The following RAB27A variants were observed in gnomAD, a reference collection of about 807,000 sequenced individuals.
RAB27A encodes RAB27A, member RAS oncogene family.
RAB27A carries 17 observed loss-of-function variants against 20.8 expected under a neutral mutation model. The ratio of observed to expected loss-of-function variants is 0.82; its 90% CI spans 0.56 to 1.23. The LOEUF is 1.23. Among genes scored for constraint, RAB27A ranks in the 50% most tolerant of loss-of-function variants. The pLI is 0.00. For missense variants in RAB27A, 277 were observed against 266.7 expected, an observed-to-expected ratio of 1.04 and a Z score of -0.27; for synonymous variants, 85 against 92.8, an observed-to-expected ratio of 0.92 and a Z score of 0.48.
At chr15:55,224,369 T>G (rs1434409208) in intron 5 of RAB27A, among the ~76,000 whole-genome samples, 1 of 152,258 alleles carries the variant, frequency 6.6e-6, no homozygotes, top group African/African-American at 2.4e-5. Context: ...CAGGAGTTCC[T>G]AGGGTTTACT....
chr15:55,237,799 T>C (rs1896321371), intron 2 of RAB27A, among the ~76,000 whole-genome samples: 1 of 151,696 alleles, frequency 6.6e-6, no homozygotes, highest in Non-Finnish European at 1.5e-5. Context: ...ATTTCCTATT[T>C]ATTTTTAATT....
intron 2 of RAB27A, among the ~76,000 whole-genome samples, chr15:55,260,469 A>C (rs889610175): frequency 6.6e-6 from 1 of 152,250 alleles, no homozygotes; most frequent in African/African-American, 2.4e-5. Context: ...TCATGTCCAC[A>C]CAAAAACCTG....
At position 55,230,465 on chromosome 15, in the gene RAB27A, C is replaced by G. The variant is rs770949071; in HGVS notation, c.175G>C (p.Asp59His). 44 of 1,613,594 alleles carry G rather than the reference C, an allele frequency of 2.7e-5. No individual in the cohort carries two copies. The highest frequency in any genetic ancestry group is 1.0e-4 in the Admixed American group (6 of 59,982). Residue 59 changes from aspartate to histidine, a missense_variant, in exon 4 of 7, where the codon GAT (aspartate) becomes CAT (histidine). Coordinates refer to ENST00000336787, the MANE Select transcript of RAB27A (RefSeq NM_183235.3). ...CTCTGGCCTCTGCCAGTGGCTCCAT[C>G]CGGCCCACTGGCTCTGTACACCTAA... ...KRVVYRASGP[D>H]GATGRGQRIH...
chr15:55,263,965 G>A (rs60375490), intron 2 of RAB27A, among the ~76,000 whole-genome samples: 34,193 of 152,074 alleles, frequency 0.22, 4,797 homozygotes, highest in East Asian at 0.56. Flanking sequence ...ATTAAACATC[G>A]TAAGAGAATA....
chr15:55,217,455 T>G (rs1452573861), intron 6 of RAB27A, among the ~76,000 whole-genome samples: 1 of 151,748 alleles, frequency 6.6e-6, no homozygotes, highest in East Asian at 1.9e-4. Flanking sequence ...AGGCCAAAAG[T>G]TCAGGATCAA....
intron 1 of RAB27A, among the ~76,000 whole-genome samples, chr15:55,273,030 T>C (rs1336797826): frequency 2.0e-5 from 3 of 151,996 alleles, no homozygotes; most frequent in East Asian, 3.9e-4. Context: ...AACTACCAAA[T>C]AGAAAATAAT....
intron 1 of RAB27A, chr15:55,317,778 C>CA: frequency 2.5e-6 from 1 of 398,384 alleles, no homozygotes; most frequent in Non-Finnish European, 4.4e-6. Context: ...GTGCAAAAGT[C>CA]AATCTCCTAA....
intron 2 of RAB27A, among the ~76,000 whole-genome samples, chr15:55,265,637 T>TA (rs113697268): frequency 0.033 from 4,623 of 140,458 alleles, 73 homozygotes; most frequent in Non-Finnish European, 0.044. Flanking sequence ...TGCTCAAAAT[T>TA]AAAAAAAAAA....
chr15:55,211,213 T>G (rs1256730444), intron 6 of RAB27A, among the ~76,000 whole-genome samples: 4 of 152,196 alleles, frequency 2.6e-5, no homozygotes, highest in African/African-American at 9.7e-5. Flanking sequence ...TGGGCTTTTT[T>G]CCTCAGGATT....
intron 2 of RAB27A, among the ~76,000 whole-genome samples, chr15:55,306,486 T>C (rs1220762778): frequency 6.6e-6 from 1 of 152,112 alleles, no homozygotes; most frequent in Non-Finnish European, 1.5e-5. Context: ...AGTTGGGAGA[T>C]TACTTCCTTT....
intron 5 of RAB27A, 70 bp from the exon 6 acceptor site, chr15:55,224,082 G>A: frequency 7.9e-7 from 1 of 1,258,348 alleles, no homozygotes; most frequent in Non-Finnish European, 1.1e-6. Flanking sequence ...AACAATACAT[G>A]CAAAAGTGCT....
Position 55,205,161 on chromosome 15 carries a change from A to G in RAB27A, c.*346T>C, listed in dbSNP as rs1191579485. The G allele has an allele frequency of 8.7e-6, 3 of 343,758 alleles. No individual in the cohort carries two copies. The East Asian group carries it at 2.2e-4, about 26-fold the overall frequency. The allele number at this position is 343,758 out of a possible 1,614,324, so 21.3% of individuals were successfully genotyped here. A position where few individuals can be genotyped will look rare whatever the true frequency, so the allele number is the denominator to read the frequency against. Reference sequence around the variant, plus strand: ...AATGTAAGACTCTGGGCCTACCTACATTAAGGCAGGTGACAGTACCCTCAT... The same window carrying G: ...AATGTAAGACTCTGGGCCTACCTACGTTAAGGCAGGTGACAGTACCCTCAT... On this transcript the variant is annotated 3_prime_UTR_variant, in exon 7 of 7. Transcript: ENST00000336787.
upstream of RAB27A, among the ~76,000 whole-genome samples, chr15:55,293,127 G>A (rs1287064524): frequency 2.0e-5 from 3 of 152,118 alleles, no homozygotes; most frequent in Non-Finnish European, 4.4e-5. Flanking sequence ...TTGCAACATG[G>A]AGAGTTCTGC....
intron 2 of RAB27A, among the ~76,000 whole-genome samples, chr15:55,301,644 T>G (rs1289958304): frequency 1.1e-5 from 1 of 93,202 alleles, no homozygotes; most frequent in African/African-American, 4.2e-5. Context: ...ACCCTAAAAA[T>G]CTTTTTTTTT....
intron 2 of RAB27A, among the ~76,000 whole-genome samples, chr15:55,295,361 A>C (rs1262554071): frequency 6.6e-6 from 1 of 152,218 alleles, no homozygotes; most frequent in Non-Finnish European, 1.5e-5. Flanking sequence ...GCCTAAAAGA[A>C]CTGAAAACAA....
At chr15:55,211,634 C>CAGTT (rs1314924105) in intron 6 of RAB27A, among the ~76,000 whole-genome samples, 2 of 152,148 alleles carry the variant, frequency 1.3e-5, no homozygotes, top group Admixed American at 1.3e-4. Context: ...ATTCGTTGAT[C>CAGTT]AGTTCTAAAT....
intron 6 of RAB27A, chr15:55,206,356 G>C: frequency 1.5e-6 from 1 of 679,948 alleles, no homozygotes; most frequent in Non-Finnish European, 1.8e-6. Context: ...TAAGTTTTTG[G>C]AGGGTTTTTT....
Position 55,309,294 on chromosome 15 carries a change from G to C in RAB27A, c.-112+4745C>G, listed in dbSNP as rs1378163443. 2.0e-5 allele frequency among the ~76,000 whole-genome samples: 3 copies of C among 152,328 alleles called. 1 individual carries two copies. The highest frequency in any genetic ancestry group is 7.2e-5 in the African/African-American group (3 of 41,566). On this transcript the variant is annotated intron_variant, in intron 2 of 5. Coordinates refer to the RAB27A transcript ENST00000563262. ...ATAGGCTGGATATGTTCCTCACTGA[G>C]GGCCCTGGTGCCTTTGGATAATTTT...
intron 1 of RAB27A, among the ~76,000 whole-genome samples, chr15:55,285,259 A>AG (rs2141127580): frequency 6.6e-6 from 1 of 151,750 alleles, no homozygotes; most frequent in African/African-American, 2.4e-5. Context: ...CTAAAGCACT[A>AG]CATGGTAAAC....
Sources: allele counts gnomAD v4.1 joint callset (sites outside exome capture counted in the v4.1 genomes callset), GRCh38; gene constraint gnomAD v4.1.1; transcripts MANE v1.5; gene names NCBI Gene and HGNC (gene_info 2026-07-23, HGNC 2026-07-21).